The following CDKL1 variants were observed in gnomAD, a reference collection of about 807,000 sequenced individuals.
The protein encoded by CDKL1 is cyclin-dependent kinase-like 1.
A neutral mutation model predicts 42.0 loss-of-function variants in CDKL1; 41 were observed. That is an observed-to-expected ratio of 0.98 (90% CI 0.76 to 1.27). The LOEUF (loss-of-function observed/expected upper bound fraction) is 1.27, where lower values mean the gene tolerates loss of function less well. Ranked by LOEUF, CDKL1 falls within the 50% of genes most tolerant of loss-of-function variation. The probability of loss-of-function intolerance (pLI) is 0.00; values close to 1 mark genes in which losing one functional copy is unlikely to be tolerated. For synonymous variants in CDKL1, 153 were observed against 158.6 expected (o/e 0.96, Z 0.26); for missense variants, 394 against 428.4 (o/e 0.92, Z 0.71).
At chr14:50,357,834 T>C (rs1034176187) in intron 3 of CDKL1, among the ~76,000 whole-genome samples, 2 of 152,204 alleles carry the variant, frequency 1.3e-5, no homozygotes, top group Non-Finnish European at 2.9e-5. Flanking sequence ...TACTTTTCCC[T>C]TCCAAACTTC....
chr14:50,388,364 C>A (rs1245403372), intron 2 of CDKL1, among the ~76,000 whole-genome samples: 2 of 152,224 alleles, frequency 1.3e-5, no homozygotes, highest in Non-Finnish European at 2.9e-5. Context: ...TTAATAAATG[C>A]TTTGGATAAC....
intron 5 of CDKL1, 38 bp downstream of exon 5, chr14:50,342,094 A>T: frequency 6.4e-7 from 1 of 1,560,500 alleles, no homozygotes; most frequent in Admixed American, 1.7e-5. Context: ...GAACTTTTTC[A>T]TTTTTTATAC....
intron 2 of CDKL1, among the ~76,000 whole-genome samples, chr14:50,394,056 T>G (rs2035332592): frequency 6.6e-6 from 1 of 152,220 alleles, no homozygotes; most frequent in African/African-American, 2.4e-5. Flanking sequence ...GAGCTATCAC[T>G]GTTAATGTAG....
At chr14:50,361,863 GA>G (rs886978825) in intron 2 of CDKL1, among the ~76,000 whole-genome samples, 40 of 152,076 alleles carry the variant, frequency 2.6e-4, no homozygotes, top group African/African-American at 9.4e-4. Context: ...GGCACTTGAG[GA>G]GCCCTTCAGC....
At chr14:50,392,297 G>C (rs2035279932) in intron 2 of CDKL1, among the ~76,000 whole-genome samples, 1 of 151,848 alleles carries the variant, frequency 6.6e-6, no homozygotes. Flanking sequence ...AATACAAAAA[G>C]TGGCCAGGTG....
chr14:50,353,507 T>TA (rs1566587123), intron 3 of CDKL1, among the ~76,000 whole-genome samples: 2 of 130,854 alleles, frequency 1.5e-5, no homozygotes, highest in African/African-American at 2.9e-5. Context: ...CAAACTCTTG[T>TA]AAAAAAAGAA....
chr14:50,345,836 T>G (rs1298779500), intron 3 of CDKL1, among the ~76,000 whole-genome samples: 1 of 152,202 alleles, frequency 6.6e-6, no homozygotes, highest in Non-Finnish European at 1.5e-5. Context: ...CTCCCAGTAC[T>G]TCTTCCCTGA....
At chr14:50,341,272 A>G in intron 5 of CDKL1, 40 bp from the exon 6 acceptor site, 1 of 1,552,090 alleles carries the variant, frequency 6.4e-7, no homozygotes, top group Admixed American at 1.8e-5. Flanking sequence ...CAGCAGCGGA[A>G]GGCTGGAATC....
In CDKL1 at chr14:50,395,709, T is replaced by G; in HGVS notation, c.160A>C (p.Met54Leu). ...AAAAGTGAATCAATTACCTTGAGCATTCGGATTTCCCGAAGGGCAATTTTC... is the reference window on the plus strand; with the variant it reads ...AAAAGTGAATCAATTACCTTGAGCAGTCGGATTTCCCGAAGGGCAATTTTC... Reference protein sequence around the residue: ...IKKIALREIRMLKQLKHPNLV... With the variant: ...IKKIALREIRLLKQLKHPNLV... The change falls in exon 2 of 10, where the codon ATG (methionine) becomes CTG (leucine). Residue 54 changes from methionine to leucine, a missense_variant. Coordinates refer to ENST00000395834, the MANE Select transcript of CDKL1 (RefSeq NM_004196.7). 1 of 1,607,330 alleles carries G rather than the reference T, an allele frequency of 6.2e-7. No homozygotes were observed.
rs74813910 is a variant in CDKL1 at position 50,340,182 on chromosome 14, G to A, written c.655+850C>T. Among the ~76,000 whole-genome samples the A allele has an allele frequency of 6.1e-3, 935 of 152,226 alleles. 12 individuals are homozygous for A. The highest frequency in any genetic ancestry group is 0.021 in the African/African-American group (875 of 41,518). On this transcript the variant is annotated intron_variant, in intron 6 of 9. Transcript: ENST00000395834. ...AGTGCCCCTGGAAGGCCTACAAAGC[G>A]CCTTCCATGTCACCCAACAAAGTCA...
rs372781283 is a variant in CDKL1 at position 50,332,326 on chromosome 14, T to G, written c.902A>C (p.Asn301Thr). 2.5e-6 allele frequency: 4 copies of G among 1,614,098 alleles called. No individual in the cohort carries two copies. In the African/African-American group the frequency reaches 5.3e-5, roughly 22 times the overall value. The change falls in exon 9 of 10, where the codon AAC becomes ACC. Residue 301 changes from asparagine (N) to threonine (T), a missense_variant. Physicochemically the swap from Asn to Thr is moderately conservative, Grantham distance 65. Transcript: ENST00000395834. ...REIEDLAKEHNKPTRKTLRKS... is the reference protein window; with the variant it reads ...REIEDLAKEHTKPTRKTLRKS... ...TCTTAGGGTCTTCCTTGTTGGTTTG[T>G]TGTGTTCTTTTGCCAAATCCTCTAT...
intron 2 of CDKL1, chr14:50,378,161 T>A (rs571270284): frequency 2.9e-6 from 4 of 1,365,868 alleles, no homozygotes; most frequent in East Asian, 9.1e-5. Flanking sequence ...TGCTGTAGGT[T>A]AGCTGCTTCC....
At chr14:50,387,372 A>C (rs972993802) in intron 2 of CDKL1, among the ~76,000 whole-genome samples, 8 of 151,548 alleles carry the variant, frequency 5.3e-5, no homozygotes, top group African/African-American at 1.9e-4. Flanking sequence ...AAATACAAGA[A>C]ATTAGTTAGG....
intron 8 of CDKL1, chr14:50,332,933 C>A: frequency 2.9e-6 from 1 of 342,318 alleles, no homozygotes; most frequent in Non-Finnish European, 5.2e-6. Context: ...TGGTGTATCC[C>A]TCCAGAAATA....
intron 2 of CDKL1, chr14:50,376,331 T>C: frequency 2.1e-6 from 1 of 466,630 alleles, no homozygotes; most frequent in Non-Finnish European, 4.4e-6. Context: ...AGACACGTCC[T>C]CTTACTAGCA....
At position 50,394,658 on chromosome 14, in the gene CDKL1, T is replaced by A. The variant is rs187526652; in HGVS notation, c.168+1043A>T. 2.6e-4 allele frequency among the ~76,000 whole-genome samples: 40 copies of A among 152,362 alleles called. 1 individual carries two copies. Among genetic ancestry groups the A allele is most frequent in the Admixed American group, 2.3e-3 (35 of 15,308 alleles). On this transcript the variant is annotated intron_variant, in intron 2 of 9. Coordinates refer to ENST00000395834, the MANE Select transcript of CDKL1 (RefSeq NM_004196.7). Reference sequence around the variant, plus strand: ...CAGGTCAGAACAGAGAGGCCATAACTGAAACAAAGTTGACCTCCACCATAT... The same window carrying A: ...CAGGTCAGAACAGAGAGGCCATAACAGAAACAAAGTTGACCTCCACCATAT...
intron 2 of CDKL1, chr14:50,380,238 T>C (rs1201935013): frequency 1.9e-6 from 1 of 532,014 alleles, no homozygotes; most frequent in South Asian, 1.4e-5. Flanking sequence ...CAAAACTGCA[T>C]CCCAGGAGAA....
rs1446339548 is a variant in CDKL1, at chr14:50,326,319, A to C, written c.*3755T>G. On this transcript the variant is annotated 3_prime_UTR_variant, in exon 10 of 10. Transcript: ENST00000395834. The stretch of plus-strand genomic sequence containing the variant: ...TAAATCTATAGATATCTCTTGATGT[A>C]GATATTTAGAATCCTTTAAAGTTAT... 2.7e-5 allele frequency: 16 copies of C among 591,012 alleles called. No homozygotes were observed. The highest frequency in any genetic ancestry group is 3.4e-5 in the Non-Finnish European group (16 of 470,234). The allele number at this position is 591,012 out of a possible 1,614,324, so 36.6% of individuals were successfully genotyped here. A position where few individuals can be genotyped will look rare whatever the true frequency, so the allele number is the denominator to read the frequency against.
chr14:50,397,216 A>G (rs780648503), upstream of CDKL1: 2 of 1,366,184 alleles, frequency 1.5e-6, no homozygotes, highest in Admixed American at 1.9e-5. Context: ...CAGTCCCCAC[A>G]CCTCAGAACC....
Sources: allele counts gnomAD v4.1 joint callset (sites outside exome capture counted in the v4.1 genomes callset), GRCh38; gene constraint gnomAD v4.1.1; transcripts MANE v1.5; gene names NCBI Gene and HGNC (gene_info 2026-07-23, HGNC 2026-07-21).